The following KMO variants were observed in gnomAD, a reference collection of about 807,000 sequenced individuals.
KMO encodes kynurenine 3-monooxygenase, also known as kynurenine 3-hydroxylase.
Under a neutral mutation model 57.8 loss-of-function variants are expected in KMO, and 24 were observed. That is an observed-to-expected ratio of 0.42 (90% confidence interval 0.30 to 0.58). The LOEUF (loss-of-function observed/expected upper bound fraction) is 0.58. Among genes scored for constraint, KMO ranks in the 20% least tolerant of loss-of-function variants. The pLI is 0.22. For missense variants in KMO, 483 were observed against 588.2 expected, an observed-to-expected ratio of 0.82 and a Z score of 1.85; for synonymous variants, 210 against 193.6, an observed-to-expected ratio of 1.08 and a Z score of -0.70.
Position 241,592,322 on chromosome 1 carries a change from G to A in KMO, c.*169G>A. 1 of 610,434 alleles carries A rather than the reference G, an allele frequency of 1.6e-6. No individual in the cohort carries two copies. The highest frequency in any genetic ancestry group is 2.0e-5 in the South Asian group (1 of 50,140). The allele number at this position is 610,434 out of a possible 1,614,324, so 37.8% of individuals were successfully genotyped here. ...TGTTAATTGCAATTACTGGTTGGGG[G>A]GTGCATTTTAAAAGATGAAACATGC... On this transcript the variant is annotated 3_prime_UTR_variant, in exon 15 of 15. Coordinates refer to ENST00000366559, the MANE Select transcript of KMO (RefSeq NM_003679.5).
intron 11 of KMO, among the ~76,000 whole-genome samples, chr1:241,587,496 G>A (rs929604407): frequency 1.3e-5 from 2 of 151,846 alleles, no homozygotes; most frequent in Non-Finnish European, 2.9e-5. Flanking sequence ...TCACTCCATC[G>A]CCCAGGCTGA....
At chr1:241,558,447 T>C (rs529061510) in intron 5 of KMO, among the ~76,000 whole-genome samples, 1 of 152,348 alleles carries the variant, frequency 6.6e-6, no homozygotes. Flanking sequence ...TTCTCATTTC[T>C]CCCTAACTGC....
At chr1:241,578,728 G>A (rs1390627230) in intron 10 of KMO, among the ~76,000 whole-genome samples, 1 of 152,134 alleles carries the variant, frequency 6.6e-6, no homozygotes, top group Non-Finnish European at 1.5e-5. Flanking sequence ...GTTAGCCAGG[G>A]TGGTGTAGGT....
chr1:241,556,258 C>T (rs549450326), intron 5 of KMO, among the ~76,000 whole-genome samples: 43 of 152,224 alleles, frequency 2.8e-4, no homozygotes, highest in African/African-American at 9.6e-4. Flanking sequence ...CTTGGCCACC[C>T]GAGAAGCTGG....
chr1:241,575,057 AG>A (rs761615377), intron 10 of KMO, among the ~76,000 whole-genome samples: 97 of 152,108 alleles, frequency 6.4e-4, no homozygotes, highest in Admixed American at 1.2e-3. Flanking sequence ...GTATGCAAAA[AG>A]GTGTTCCTAG....
intron 1 of KMO, among the ~76,000 whole-genome samples, chr1:241,532,794 T>C (rs1660623249): frequency 1.3e-5 from 2 of 152,204 alleles, no homozygotes; most frequent in Admixed American, 1.3e-4. Flanking sequence ...ATAATGCAAA[T>C]TGAATTTGAT....
chr1:241,554,237 TCC>T (rs1661519276), intron 4 of KMO, among the ~76,000 whole-genome samples: 1 of 71,334 alleles, frequency 1.4e-5, no homozygotes, highest in African/African-American at 4.3e-5. Context: ...TTTCCTTCCT[TCC>T]TTCCTTCCTT....
At chr1:241,562,366 A>G (rs1321999944) in intron 7 of KMO, 34 bp downstream of exon 7, 4 of 1,609,186 alleles carry the variant, frequency 2.5e-6, no homozygotes, top group South Asian at 2.2e-5. Flanking sequence ...CCCTTCCCAC[A>G]ACCCTTGCTC....
chr1:241,548,517 C>T (rs534060402), intron 1 of KMO, among the ~76,000 whole-genome samples: 1 of 150,700 alleles, frequency 6.6e-6, no homozygotes, highest in African/African-American at 2.4e-5. Flanking sequence ...GAATTGCTTT[C>T]TAATTATTCT....
At chr1:241,589,209 C>A (rs1663147267) in intron 12 of KMO, among the ~76,000 whole-genome samples, 1 of 151,902 alleles carries the variant, frequency 6.6e-6, no homozygotes, top group Non-Finnish European at 1.5e-5. Context: ...AACATTATAA[C>A]TTGCATATTT....
intron 11 of KMO, among the ~76,000 whole-genome samples, chr1:241,587,699 C>T (rs1573941091): frequency 1.3e-5 from 2 of 152,062 alleles, no homozygotes; most frequent in Non-Finnish European, 2.9e-5. Context: ...CCACCTCTGC[C>T]TCCCAAAGTG....
intron 1 of KMO, among the ~76,000 whole-genome samples, chr1:241,546,700 G>C (rs1288258962): frequency 6.6e-6 from 1 of 152,166 alleles, no homozygotes; most frequent in Non-Finnish European, 1.5e-5. Flanking sequence ...AATATGTGGA[G>C]AGAATTGATG....
In KMO at chr1:241,562,169, C is replaced by A. The variant is rs1448720944; in HGVS notation, c.452C>A (p.Ser151Tyr). 1.2e-6 allele frequency: 2 copies of A among 1,613,330 alleles called. No homozygotes were observed. Among genetic ancestry groups the A allele is most frequent in the Admixed American group, 1.7e-5 (1 of 59,886 alleles). ...PEEGMITVLGSDKVPKDVTCD... is the reference protein window; with the variant it reads ...PEEGMITVLGYDKVPKDVTCD... ...GGATGTTTTGTTCTATTTTTCAGATCTGACAAAGTTCCCAAAGATGTCACT... is the reference window on the plus strand; with the variant it reads ...GGATGTTTTGTTCTATTTTTCAGATATGACAAAGTTCCCAAAGATGTCACT... Residue 151 changes from serine (S) to tyrosine (Y), a missense_variant and splice_region_variant, in exon 7 of 15, where the codon TCT becomes TAT. Physicochemically the swap from Ser to Tyr is moderately radical, Grantham distance 144. Transcript: ENST00000366559.
rs750194788 is a variant in KMO at position 241,594,378 on chromosome 1, A to G, written c.*2225A>G. 1.3e-6 allele frequency: 2 copies of G among 1,577,300 alleles called. No homozygotes were observed. Among genetic ancestry groups the G allele is most frequent in the African/African-American group, 1.3e-5 (1 of 74,202 alleles). On this transcript the variant is annotated 3_prime_UTR_variant, in exon 15 of 15. Transcript: ENST00000366559. ...CAGACACTTCTTATGATGAAAGTCCAAAAGTGGCATCCAATTTAAGGCCCC... is the reference window on the plus strand; with the variant it reads ...CAGACACTTCTTATGATGAAAGTCCGAAAGTGGCATCCAATTTAAGGCCCC...
At chr1:241,577,858 A>T (rs1262440646) in intron 10 of KMO, among the ~76,000 whole-genome samples, 1 of 152,096 alleles carries the variant, frequency 6.6e-6, no homozygotes, top group Non-Finnish European at 1.5e-5. Context: ...AGTGAAACAC[A>T]CTGAAGTCTT....
chr1:241,590,367 C>T, intron 14 of KMO, 104 bp downstream of exon 14: 1 of 936,788 alleles, frequency 1.1e-6, no homozygotes, highest in Non-Finnish European at 1.7e-6. Flanking sequence ...ATGGGACAGA[C>T]ACCAACTGTT....
At chr1:241,575,721 C>T (rs1023394723) in intron 10 of KMO, among the ~76,000 whole-genome samples, 4 of 152,104 alleles carry the variant, frequency 2.6e-5, no homozygotes, top group South Asian at 2.1e-4. Flanking sequence ...GTTCCATGTG[C>T]TGATGAGAAG....
In KMO at chr1:241,586,754, C is replaced by T. The variant is rs550578672; in HGVS notation, c.1015+18C>T. 3.8e-6 allele frequency: 6 copies of T among 1,567,468 alleles called. No homozygotes were observed. The South Asian group carries it at 4.7e-5, about 12-fold the overall frequency. ...CGACCTTAGTAAGTAAGGTCAATTT[C>T]TCAACTGGACATGTACTAGCTCTTC... On this transcript the variant is annotated intron_variant, in intron 11 of 14. Transcript: ENST00000366559.
Position 241,592,748 on chromosome 1 carries a change from T to TATC in KMO, c.*596_*598dup, listed in dbSNP as rs1487421107. 6.2e-3 allele frequency: 856 copies of TATC among 138,328 alleles called. 3 individuals carry two copies. The highest frequency in any genetic ancestry group is 0.012 in the African/African-American group (449 of 36,436). 8.6% of individuals were successfully genotyped at this position (138,328 alleles called of 1,614,324 possible). A position where few individuals can be genotyped will look rare whatever the true frequency, so the allele number is the denominator to read the frequency against. The stretch of plus-strand genomic sequence containing the variant: ...TCTATCTATCTATCATCTATCTATC[T>TATC]ATCTATCATCTATCTATCTATCTAT... On this transcript the variant is annotated 3_prime_UTR_variant, in exon 15 of 15. Coordinates refer to ENST00000366559, the MANE Select transcript of KMO (RefSeq NM_003679.5).
Sources: gnomAD v4.1 joint callset for allele counts (sites outside exome capture counted in the v4.1 genomes callset) on GRCh38, gnomAD v4.1.1 for gene constraint, MANE v1.5 for transcripts, NCBI Gene and HGNC (gene_info 2026-07-23, HGNC 2026-07-21) for gene names.